The following PADI3 variants were observed in gnomAD, a reference collection of about 807,000 sequenced individuals.
PADI3 encodes the protein protein-arginine deiminase type-3.
In PADI3, 53 loss-of-function variants were observed where a neutral mutation model predicts 71.5. The ratio of observed to expected loss-of-function variants is 0.74; its 90% CI spans 0.59 to 0.93. The LOEUF (loss-of-function observed/expected upper bound fraction) is 0.93. Ranked by LOEUF, PADI3 falls within the 40% of genes least tolerant of loss-of-function variation. The pLI is 0.00. For synonymous variants in PADI3, 361 were observed against 347.5 expected (o/e 1.04, Z -0.43); for missense variants, 821 against 868.0 (o/e 0.95, Z 0.68).
chr1:17,278,134 T>C (rs886446868), intron 13 of PADI3, among the ~76,000 whole-genome samples: 1 of 152,260 alleles, frequency 6.6e-6, no homozygotes, highest in Non-Finnish European at 1.5e-5. Flanking sequence ...AAAACCACCC[T>C]GACAAGTCAG....
At chr1:17,261,303 C>T (rs1004253457) in intron 2 of PADI3, among the ~76,000 whole-genome samples, 2 of 152,206 alleles carry the variant, frequency 1.3e-5, no homozygotes, top group Admixed American at 6.5e-5. Context: ...CTTGAGTGCT[C>T]GCTGTGGGCC....
intron 1 of PADI3, among the ~76,000 whole-genome samples, chr1:17,250,760 G>C (rs2072956408): frequency 6.6e-6 from 1 of 152,206 alleles, no homozygotes. Flanking sequence ...GCGTGCCATG[G>C]GGTGACTCAC....
intron 15 of PADI3, among the ~76,000 whole-genome samples, chr1:17,281,127 T>G (rs2073395020): frequency 1.3e-5 from 2 of 152,264 alleles, no homozygotes; most frequent in African/African-American, 4.8e-5. Flanking sequence ...TTCTGCTCTC[T>G]TCCTCCCAGC....
rs2073305182 is a variant in PADI3 at position 17,274,803 on chromosome 1, G to A, written c.1307+17G>A. On this transcript the variant is annotated intron_variant, in intron 11 of 15. Coordinates refer to ENST00000375460, the MANE Select transcript of PADI3 (RefSeq NM_016233.2). Reference sequence around the variant, plus strand: ...CCTGCCTGGGTGAGAGAGAGACAGGGAATGGAGTTCCTGGGGTGGAGGCTG... The same window carrying A: ...CCTGCCTGGGTGAGAGAGAGACAGGAAATGGAGTTCCTGGGGTGGAGGCTG... 1.2e-6 allele frequency: 2 copies of A among 1,610,798 alleles called. No homozygotes were observed. The highest frequency in any genetic ancestry group is 4.5e-5 in the East Asian group (2 of 44,766).
rs1231385898 is a variant in PADI3 at position 17,270,236 on chromosome 1, C to T, written c.656C>T (p.Pro219Leu). 6.2e-7 allele frequency: 1 copy of T among 1,609,790 alleles called. No homozygotes were observed. The highest frequency in any genetic ancestry group is 1.3e-5 in the African/African-American group (1 of 74,700). The change falls in exon 7 of 16, where the codon CCT (proline) becomes CTT (leucine). Residue 219 changes from proline (P) to leucine (L), a missense_variant. Coordinates refer to ENST00000375460, the MANE Select transcript of PADI3 (RefSeq NM_016233.2). ...CACCCCGTCCCTCCCCTTCCAGGTC[C>T]TGAGGATGTGTGTGAGGCCTATAGG... ...KRAQVFHICG[P>L]EDVCEAYRHV...
At chr1:17,280,907 G>A (rs2073392801) in intron 15 of PADI3, 111 bp downstream of exon 15, 3 of 1,372,182 alleles carry the variant, frequency 2.2e-6, no homozygotes, top group Non-Finnish European at 3.0e-6. Context: ...GGCCAGTGGG[G>A]GTGGCAGGGA....
rs775018476 is a variant in PADI3 at position 17,273,433 on chromosome 1, T to A, written c.1141T>A (p.Tyr381Asn). 6.2e-7 allele frequency: 1 copy of A among 1,611,554 alleles called. No homozygotes were observed. Among genetic ancestry groups the A allele is most frequent in the Non-Finnish European group, 8.5e-7 (1 of 1,178,020 alleles). ...GAATGGGGAACTGCAGGATTTCCCTTACAAAAGAATCCTGGTGAGTGGTCC... is the reference window on the plus strand; with the variant it reads ...GAATGGGGAACTGCAGGATTTCCCTAACAAAAGAATCCTGGTGAGTGGTCC... The part of the protein sequence containing the change: ...PRNGELQDFP[Y>N]KRILGPDFGY... The change falls in exon 10 of 16, where the codon TAC becomes AAC. Residue 381 changes from tyrosine (Y) to asparagine (N), a missense_variant. Transcript: ENST00000375460.
At chr1:17,274,552 T>C in intron 10 of PADI3, 83 bp from the exon 11 acceptor site, 1 of 1,323,694 alleles carries the variant, frequency 7.6e-7, no homozygotes, top group South Asian at 1.4e-5. Flanking sequence ...CCACCCTGTC[T>C]TGAAGGAGCT....
intron 6 of PADI3, among the ~76,000 whole-genome samples, chr1:17,269,411 A>G (rs2073215320): frequency 6.6e-6 from 1 of 152,148 alleles, no homozygotes; most frequent in African/African-American, 2.4e-5. Context: ...TCTGAACATC[A>G]TAGTGGTTTG....
chr1:17,275,104 T>C (rs918496940), intron 11 of PADI3, among the ~76,000 whole-genome samples: 1 of 152,020 alleles, frequency 6.6e-6, no homozygotes, highest in Non-Finnish European at 1.5e-5. Flanking sequence ...TTTCTGATTC[T>C]GAAAATAAAT....
chr1:17,277,283 C>A (rs1218836579), intron 13 of PADI3, among the ~76,000 whole-genome samples: 2 of 152,128 alleles, frequency 1.3e-5, no homozygotes, highest in Admixed American at 1.3e-4. Context: ...CAACCTCCGC[C>A]TCCCAAGTTC....
At chr1:17,278,991 G>A (rs1261016819) in intron 13 of PADI3, among the ~76,000 whole-genome samples, 2 of 152,144 alleles carry the variant, frequency 1.3e-5, no homozygotes, top group African/African-American at 4.8e-5. Context: ...ACTAGACTCC[G>A]GTGAACCTAG....
intron 2 of PADI3, 51 bp downstream of exon 2, chr1:17,259,809 C>T (rs1033316214): frequency 9.3e-6 from 14 of 1,506,254 alleles, no homozygotes; most frequent in Non-Finnish European, 1.1e-5. Context: ...AGGCAGCTGT[C>T]TAGCTCTAGG....
Position 17,274,465 on chromosome 1 carries a change from T to C in PADI3, c.1156-170T>C, listed in dbSNP as rs924151682. 7.2e-5 allele frequency among the ~76,000 whole-genome samples: 11 copies of C among 152,320 alleles called. No individual in the cohort carries two copies. The South Asian group carries it at 1.0e-3, about 14-fold the overall frequency. On this transcript the variant is annotated intron_variant, in intron 10 of 15. Transcript: ENST00000375460. ...CCCGACTTTGCCTGCTATGCGTGCATGAAATATTGACTGGGTCAGATCCCC... is the reference window on the plus strand; with the variant it reads ...CCCGACTTTGCCTGCTATGCGTGCACGAAATATTGACTGGGTCAGATCCCC...
Position 17,274,685 on chromosome 1 carries a change from T to C in PADI3, c.1206T>C (p.Ser402=), listed in dbSNP as rs1006879925. The change falls in exon 11 of 16, where the codon AGT becomes AGC. Residue 402 remains serine (S), a synonymous_variant. Transcript: ENST00000375460. Reference sequence around the variant, plus strand: ...GGGAACCACGCGACAGGTCTGTGAGTGGCCTGGACTCCTTTGGGAACCTGG... The same window carrying C: ...GGGAACCACGCGACAGGTCTGTGAGCGGCCTGGACTCCTTTGGGAACCTGG... The part of the protein sequence containing the change: ...VTREPRDRSV[S]GLDSFGNLEV... 4.3e-6 allele frequency: 7 copies of C among 1,613,622 alleles called. No individual in the cohort carries two copies. Among genetic ancestry groups the C allele is most frequent in the Non-Finnish European group, 5.9e-6 (7 of 1,179,794 alleles).
At chr1:17,262,417 G>A (rs939342983) in intron 3 of PADI3, among the ~76,000 whole-genome samples, 1 of 152,184 alleles carries the variant, frequency 6.6e-6, no homozygotes, top group African/African-American at 2.4e-5. Flanking sequence ...GCAAATTGAA[G>A]CATACTATAG....
intron 15 of PADI3, among the ~76,000 whole-genome samples, chr1:17,281,623 C>A (rs1228944131): frequency 6.6e-6 from 1 of 151,978 alleles, no homozygotes; most frequent in Non-Finnish European, 1.5e-5. Flanking sequence ...CGGCTAATTT[C>A]TGTATTTTTA....
chr1:17,259,482 AAGCTTCCTGG>A, intron 1 of PADI3, 86 bp from the exon 2 acceptor site: 1 of 1,201,628 alleles, frequency 8.3e-7, no homozygotes, highest in Admixed American at 2.3e-5. Context: ...TGGCCAAGGA[AAGCTTCCTGG>A]AGGAAGCAGG....
Position 17,270,344 on chromosome 1 carries a change from C to T in PADI3, c.764C>T (p.Ser255Phe). ...DEERFFVEGL[S>F]FPDAGFTGLI... ...GAGCGCTTCTTCGTGGAAGGCCTGT[C>T]CTTCCCTGATGCCGGCTTCACAGGA... The change falls in exon 7 of 16, where the codon TCC becomes TTC. Residue 255 changes from serine to phenylalanine, a missense_variant. Ser to Phe is a radical substitution (Grantham distance 155, BLOSUM62 -2). Transcript: ENST00000375460. 6.2e-7 allele frequency: 1 copy of T among 1,614,012 alleles called. No homozygotes were observed.
Sources: allele counts gnomAD v4.1 joint callset (sites outside exome capture counted in the v4.1 genomes callset), GRCh38; gene constraint gnomAD v4.1.1; transcripts MANE v1.5; gene names NCBI Gene and HGNC (gene_info 2026-07-23, HGNC 2026-07-21).